Variants in SLC4A7 observed in about 807,000 individuals in gnomAD.
SLC4A7 encodes solute carrier family 4 member 7, also known as sodium bicarbonate cotransporter 3.
Under a neutral mutation model 137.6 loss-of-function variants are expected in SLC4A7, and 51 were observed. The observed-to-expected ratio is 0.37, with a 90% CI of 0.30 to 0.47. SLC4A7 has a LOEUF of 0.47. Ranked by LOEUF, SLC4A7 falls within the 20% of genes least tolerant of loss-of-function variation. The probability of loss-of-function intolerance (pLI) is 1.00; values close to 1 mark genes in which losing one functional copy is unlikely to be tolerated. For missense variants in SLC4A7, 1,247 were observed against 1,525.4 expected, an observed-to-expected ratio of 0.82 and a Z score of 3.04; for synonymous variants, 542 against 518.6, an observed-to-expected ratio of 1.05 and a Z score of -0.61.
At chr3:27,403,620 T>C (rs1433947127) in intron 14 of SLC4A7, among the ~76,000 whole-genome samples, 1 of 151,922 alleles carries the variant, frequency 6.6e-6, no homozygotes, top group Non-Finnish European at 1.5e-5. Context: ...TTATTAATAG[T>C]TTATTACACT....
chr3:27,481,058 A>T (rs1010669323), intron 1 of SLC4A7, among the ~76,000 whole-genome samples: 1 of 152,234 alleles, frequency 6.6e-6, no homozygotes, highest in Admixed American at 6.5e-5. Context: ...GAATTGTGTT[A>T]TATCATGCAC....
intron 1 of SLC4A7, among the ~76,000 whole-genome samples, chr3:27,472,159 A>G (rs2059273665): frequency 6.6e-6 from 1 of 152,246 alleles, no homozygotes; most frequent in South Asian, 2.1e-4. Context: ...AATCCAGTCA[A>G]TACTCATTTA....
chr3:27,382,081 A>G (rs769394908), intron 24 of SLC4A7, among the ~76,000 whole-genome samples: 23 of 152,206 alleles, frequency 1.5e-4, no homozygotes, highest in Non-Finnish European at 2.9e-4. Context: ...AAAAAAGAAA[A>G]AAAATACAAA....
intron 7 of SLC4A7, among the ~76,000 whole-genome samples, chr3:27,426,058 G>A (rs2055581030): frequency 6.6e-6 from 1 of 152,144 alleles, no homozygotes; most frequent in African/African-American, 2.4e-5. Flanking sequence ...TTTCACTTTT[G>A]TAAAACAGAA....
Position 27,372,847 on chromosome 3 carries a change from T to A in SLC4A7, c.*3917A>T, listed in dbSNP as rs1308577987. 1 of 152,630 alleles carries A rather than the reference T, an allele frequency of 6.6e-6. No homozygotes were observed. The highest frequency in any genetic ancestry group is 1.9e-4 in the East Asian group (1 of 5,200). 9.5% of individuals were successfully genotyped at this position (152,630 alleles called of 1,614,324 possible). A position where few individuals can be genotyped will look rare whatever the true frequency, so the allele number is the denominator to read the frequency against. On this transcript the variant is annotated 3_prime_UTR_variant, in exon 26 of 26. Coordinates refer to ENST00000454389, the MANE Select transcript of SLC4A7 (RefSeq NM_001321103.2). ...TTCACAATATAGACCCAGTAGAGGC[T>A]TATACTTCATATAAATGAAAAATAT...
intron 1 of SLC4A7, among the ~76,000 whole-genome samples, chr3:27,454,403 T>C (rs753784422): frequency 6.6e-6 from 1 of 152,016 alleles, no homozygotes; most frequent in Non-Finnish European, 1.5e-5. Context: ...GAGGCAGAGG[T>C]TGCAGTGAGC....
chr3:27,380,534 C>T (rs866056157), intron 24 of SLC4A7, among the ~76,000 whole-genome samples: 4 of 151,888 alleles, frequency 2.6e-5, no homozygotes, highest in Admixed American at 6.6e-5. Context: ...TAAAAAAATA[C>T]ATTCAGACAA....
At chr3:27,444,888 C>T (rs1368600739) in intron 3 of SLC4A7, among the ~76,000 whole-genome samples, 4 of 152,112 alleles carry the variant, frequency 2.6e-5, no homozygotes, top group Non-Finnish European at 5.9e-5. Context: ...TGGTCAGGTG[C>T]TAGATTTTAT....
In SLC4A7 at chr3:27,373,088, T is replaced by G. The variant is rs62257166; in HGVS notation, c.*3676A>C. The G allele has an allele frequency of 6.7e-6, 1 of 149,608 alleles. No individual in the cohort carries two copies. The highest frequency in any genetic ancestry group is 1.5e-5 in the Non-Finnish European group (1 of 67,420). 9.3% of individuals were successfully genotyped at this position (149,608 alleles called of 1,614,324 possible). Reference sequence around the variant, plus strand: ...TGGGGAAGAAAAAAAAAAAAAACCTTGAATAATAAAGCAACAAAAGCCACA... The same window carrying G: ...TGGGGAAGAAAAAAAAAAAAAACCTGGAATAATAAAGCAACAAAAGCCACA... On this transcript the variant is annotated 3_prime_UTR_variant, in exon 26 of 26. Transcript: ENST00000454389.
chr3:27,438,173 G>A (rs952729473), intron 3 of SLC4A7, among the ~76,000 whole-genome samples: 6 of 151,640 alleles, frequency 4.0e-5, no homozygotes, highest in African/African-American at 1.5e-4. Flanking sequence ...CTCCAGCCTA[G>A]GCGACAGAGA....
In SLC4A7 at chr3:27,376,585, A is replaced by T; in HGVS notation, c.*179T>A. ...AAGAACCATGTACCTCACTTCAAAG[A>T]GAGCATTTCATTAAATACATAGTCT... On this transcript the variant is annotated 3_prime_UTR_variant, in exon 26 of 26. Transcript: ENST00000454389. 2.5e-6 allele frequency: 1 copy of T among 394,014 alleles called. No individual in the cohort carries two copies. Among genetic ancestry groups the T allele is most frequent in the Non-Finnish European group, 4.6e-6 (1 of 219,388 alleles). The allele number at this position is 394,014 out of a possible 1,614,324, so 24.4% of individuals were successfully genotyped here.
chr3:27,462,106 GATTTA>G (rs1270310017), intron 1 of SLC4A7, among the ~76,000 whole-genome samples: 20 of 152,182 alleles, frequency 1.3e-4, no homozygotes, highest in Admixed American at 2.0e-4. Flanking sequence ...CCGTACATGA[GATTTA>G]ATTTTTCTTT....
chr3:27,421,973 T>C (rs1301307478), intron 8 of SLC4A7, among the ~76,000 whole-genome samples, 194 bp from the exon 9 acceptor site: 3 of 152,140 alleles, frequency 2.0e-5, no homozygotes, highest in Non-Finnish European at 2.9e-5. Flanking sequence ...GCAAACTTAT[T>C]TGAATCAATG....
chr3:27,447,051 CTTT>C (rs568905316), intron 3 of SLC4A7, among the ~76,000 whole-genome samples: 1 of 131,450 alleles, frequency 7.6e-6, no homozygotes. Flanking sequence ...GCCAGCTAAA[CTTT>C]TTTTTTTTTT....
At position 27,373,166 on chromosome 3, in the gene SLC4A7, T is replaced by C. The variant is rs1259227854; in HGVS notation, c.*3598A>G. The C allele has an allele frequency of 6.6e-6, 1 of 151,320 alleles. No homozygotes were observed. Among genetic ancestry groups the C allele is most frequent in the African/African-American group, 2.4e-5 (1 of 41,134 alleles). The allele number at this position is 151,320 out of a possible 1,614,324, so 9.4% of individuals were successfully genotyped here. A position where few individuals can be genotyped will look rare whatever the true frequency, so the allele number is the denominator to read the frequency against. Reference sequence around the variant, plus strand: ...TCTGATTAAAAAAACAAAACAAAACTGGGGTTTAACAATTAAGTCAAATGT... The same window carrying C: ...TCTGATTAAAAAAACAAAACAAAACCGGGGTTTAACAATTAAGTCAAATGT... On this transcript the variant is annotated 3_prime_UTR_variant, in exon 26 of 26. Transcript: ENST00000454389.
At chr3:27,422,439 T>C (rs992975444) in intron 8 of SLC4A7, among the ~76,000 whole-genome samples, 1 of 152,072 alleles carries the variant, frequency 6.6e-6, no homozygotes, top group Non-Finnish European at 1.5e-5. Context: ...GGCTAATTTT[T>C]GTTGTTTTTT....
At chr3:27,387,127 T>C (rs2051042890) in intron 22 of SLC4A7, among the ~76,000 whole-genome samples, 1 of 152,182 alleles carries the variant, frequency 6.6e-6, no homozygotes, top group African/African-American at 2.4e-5. Context: ...TTTTAAATAT[T>C]TGGTTATTAA....
chr3:27,385,963 T>C lies in SLC4A7; in HGVS notation c.3421A>G (p.Ser1141Gly). 6.2e-7 allele frequency: 1 copy of C among 1,607,894 alleles called. No individual in the cohort carries two copies. ...MDLCFTKREL[S>G]WLDDLMPESK... ...TCTGGCATAAGATCATCAAGCCAAC[T>C]AAGTTCTCTCTTCGTGAAACACAGG... The change falls in exon 23 of 26, where the codon AGT (serine) becomes GGT (glycine). Residue 1141 changes from serine to glycine, a missense_variant. Transcript: ENST00000454389.
intron 3 of SLC4A7, among the ~76,000 whole-genome samples, chr3:27,445,020 G>A (rs1341366277): frequency 6.6e-6 from 1 of 152,116 alleles, no homozygotes; most frequent in African/African-American, 2.4e-5. Context: ...AACTAATCTA[G>A]ACTCACTACT....
Sources: gnomAD v4.1 joint callset for allele counts (sites outside exome capture counted in the v4.1 genomes callset) on GRCh38, gnomAD v4.1.1 for gene constraint, MANE v1.5 for transcripts, NCBI Gene and HGNC (gene_info 2026-07-23, HGNC 2026-07-21) for gene names.